PPM1L: variants seen among roughly 807,000 people sequenced by gnomAD.
The protein encoded by PPM1L is protein phosphatase 1L.
In PPM1L, 13 loss-of-function variants were observed where a neutral mutation model predicts 31.4. The ratio of observed to expected loss-of-function variants is 0.41; its 90% confidence interval spans 0.27 to 0.66. The LOEUF (loss-of-function observed/expected upper bound fraction) is 0.66, where lower values mean the gene tolerates loss of function less well. Among genes scored for constraint, PPM1L ranks in the 30% least tolerant of loss-of-function variants. The pLI, the probability that PPM1L is intolerant of heterozygous loss-of-function variation, is 0.29. For missense variants in PPM1L, 326 were observed against 453.7 expected, an observed-to-expected ratio of 0.72 and a Z score of 2.56; for synonymous variants, 184 against 175.4, an observed-to-expected ratio of 1.05 and a Z score of -0.39.
At chr3:161,000,539 GA>G (rs945191812) in intron 2 of PPM1L, among the ~76,000 whole-genome samples, 1 of 151,936 alleles carries the variant, frequency 6.6e-6, no homozygotes, top group Non-Finnish European at 1.5e-5. Context: ...GAGAGGCCAA[GA>G]AAAAAACAGG....
chr3:160,821,244 T>TTA (rs1293399524), intron 1 of PPM1L, among the ~76,000 whole-genome samples: 2 of 147,844 alleles, frequency 1.4e-5, no homozygotes, highest in Non-Finnish European at 3.0e-5. Context: ...AAACATATAA[T>TTA]TATATGTTTA....
chr3:160,824,371 A>G (rs1713295334), intron 1 of PPM1L, among the ~76,000 whole-genome samples: 1 of 152,202 alleles, frequency 6.6e-6, no homozygotes, highest in African/African-American at 2.4e-5. Context: ...TGCCTATGGT[A>G]CTTTGTTATA....
chr3:160,824,390 A>T (rs142968630), intron 1 of PPM1L, among the ~76,000 whole-genome samples: 1 of 152,140 alleles, frequency 6.6e-6, no homozygotes, highest in Admixed American at 6.6e-5. Context: ...TAGCAGCCTG[A>T]ACTAAGTGTG....
chr3:160,769,976 T>G (rs1715207422), intron 1 of PPM1L, among the ~76,000 whole-genome samples: 1 of 152,150 alleles, frequency 6.6e-6, no homozygotes, highest in Admixed American at 6.6e-5. Context: ...GAGTAAATTC[T>G]GTGTATGAGG....
At chr3:160,877,099 G>A (rs1278065992) in intron 1 of PPM1L, among the ~76,000 whole-genome samples, 3 of 152,156 alleles carry the variant, frequency 2.0e-5, no homozygotes, top group African/African-American at 7.2e-5. Context: ...TTGCTTTGGT[G>A]TTTCATTGCA....
At chr3:160,871,109 C>T (rs756099149) in intron 1 of PPM1L, among the ~76,000 whole-genome samples, 1 of 152,144 alleles carries the variant, frequency 6.6e-6, no homozygotes, top group Non-Finnish European at 1.5e-5. Context: ...TCCCTTTTCA[C>T]CTCAGCTTTA....
Position 160,946,607 on chromosome 3 carries a change from A to AT in PPM1L, c.400-15120dup, listed in dbSNP as rs918503913. Among the ~76,000 whole-genome samples the AT allele has an allele frequency of 5.9e-5, 9 of 151,412 alleles. No homozygotes were observed. The South Asian group carries it at 6.3e-4, about 11-fold the overall frequency. Reference sequence around the variant, plus strand: ...ACTAGGCCACTCTATACATTTGAGTATTTTTTTTTCCTACTCCTCTGTTTG... The same window carrying AT: ...ACTAGGCCACTCTATACATTTGAGTATTTTTTTTTTCCTACTCCTCTGTTTG... On this transcript the variant is annotated intron_variant, in intron 1 of 3. Coordinates refer to ENST00000498165, the MANE Select transcript of PPM1L (RefSeq NM_139245.4).
intron 2 of PPM1L, among the ~76,000 whole-genome samples, chr3:161,045,335 A>G (rs1037958058): frequency 3.9e-5 from 6 of 152,222 alleles, no homozygotes; most frequent in African/African-American, 9.6e-5. Flanking sequence ...TCAGCACCAC[A>G]TCGCACTTAT....
rs533289201 is a variant in PPM1L, at chr3:160,884,997, T to C, written c.400-76739T>C. On this transcript the variant is annotated intron_variant, in intron 1 of 3. Transcript: ENST00000498165. ...CTTCTTATGTTTGAAGTCAGTGTTC[T>C]TATTACCTGTGGAGCTTTTTCAAAA... 8.3e-4 allele frequency among the ~76,000 whole-genome samples: 127 copies of C among 152,310 alleles called. 1 individual carries two copies. Among genetic ancestry groups the C allele is most frequent in the Admixed American group, 2.6e-3 (40 of 15,304 alleles).
At chr3:160,945,768 T>C (rs1223656684) in intron 1 of PPM1L, among the ~76,000 whole-genome samples, 1 of 152,078 alleles carries the variant, frequency 6.6e-6, no homozygotes, top group Non-Finnish European at 1.5e-5. Flanking sequence ...CAACTCCTCC[T>C]TTTTCTCCTC....
intron 1 of PPM1L, among the ~76,000 whole-genome samples, chr3:160,950,949 G>A (rs1715557961): frequency 6.6e-6 from 1 of 152,168 alleles, no homozygotes; most frequent in South Asian, 2.1e-4. Flanking sequence ...ATTCAGAAAG[G>A]GAAGGGAATT....
intron 1 of PPM1L, among the ~76,000 whole-genome samples, chr3:160,807,288 TAAC>T (rs1712634106): frequency 6.6e-6 from 1 of 152,226 alleles, no homozygotes; most frequent in Admixed American, 6.5e-5. Context: ...GTTCCTCCCA[TAAC>T]AATTCTGCAA....
At chr3:160,964,039 AAT>A (rs1241044182) in intron 2 of PPM1L, among the ~76,000 whole-genome samples, 2 of 152,032 alleles carry the variant, frequency 1.3e-5, no homozygotes, top group Non-Finnish European at 2.9e-5. Flanking sequence ...ACATGATAAT[AAT>A]AAAATATTAT....
At chr3:160,913,858 A>T (rs1714060248) in intron 1 of PPM1L, among the ~76,000 whole-genome samples, 1 of 152,180 alleles carries the variant, frequency 6.6e-6, no homozygotes, top group South Asian at 2.1e-4. Context: ...CCAGTTTTTG[A>T]CTACCATTAA....
At chr3:160,767,072 A>C (rs1715121178) in intron 1 of PPM1L, among the ~76,000 whole-genome samples, 1 of 152,158 alleles carries the variant, frequency 6.6e-6, no homozygotes, top group African/African-American at 2.4e-5. Context: ...TGGGTCTACA[A>C]TAACTTGGAA....
intron 1 of PPM1L, among the ~76,000 whole-genome samples, chr3:160,915,473 G>A (rs1714135989): frequency 8.8e-6 from 1 of 113,146 alleles, no homozygotes; most frequent in African/African-American, 4.0e-5. Context: ...TCATGAAAAT[G>A]GCCATACTAC....
intron 1 of PPM1L, among the ~76,000 whole-genome samples, chr3:160,951,807 C>T (rs114807158): frequency 0.012 from 1,855 of 152,228 alleles, 38 homozygotes; most frequent in African/African-American, 0.043. Context: ...CATATTCAGC[C>T]GTTTAGATGA....
intron 1 of PPM1L, among the ~76,000 whole-genome samples, chr3:160,864,946 T>C (rs892129005): frequency 1.3e-5 from 2 of 152,248 alleles, no homozygotes; most frequent in African/African-American, 4.8e-5. Flanking sequence ...CACTTTAATC[T>C]ACCATGTGTT....
Position 160,786,130 on chromosome 3 carries a change from T to A in PPM1L, c.399+29423T>A, listed in dbSNP as rs1413936183. 5.6e-3 allele frequency among the ~76,000 whole-genome samples: 515 copies of A among 92,626 alleles called. 10 individuals carry two copies. The highest frequency in any genetic ancestry group is 0.027 in the African/African-American group (475 of 17,724). The allele number at this position is 92,626 out of a possible 152,430, so 60.8% of individuals were successfully genotyped here. Reference sequence around the variant, plus strand: ...GGATAAAGATGGAATCTCATTTTTCTCTCTCTCTCTCTCTCTCTCTCTCTC... The same window carrying A: ...GGATAAAGATGGAATCTCATTTTTCACTCTCTCTCTCTCTCTCTCTCTCTC... On this transcript the variant is annotated intron_variant, in intron 1 of 3. Coordinates refer to ENST00000498165, the MANE Select transcript of PPM1L (RefSeq NM_139245.4).
Sources: gnomAD v4.1 joint callset for allele counts (sites outside exome capture counted in the v4.1 genomes callset) on GRCh38, gnomAD v4.1.1 for gene constraint, MANE v1.5 for transcripts, NCBI Gene and HGNC (gene_info 2026-07-23, HGNC 2026-07-21) for gene names.